Variants in ATRNL1 observed in about 807,000 individuals in gnomAD.
The protein encoded by ATRNL1 is attractin-like protein 1.
ATRNL1 carries 95 observed loss-of-function variants against 182.7 expected under a neutral mutation model. That is an observed-to-expected ratio of 0.52 (90% confidence interval 0.44 to 0.62). ATRNL1 has a LOEUF of 0.62. Among genes scored for constraint, ATRNL1 ranks in the 20% least tolerant of loss-of-function variants. ATRNL1 has a pLI of 0.00. For missense variants in ATRNL1, 1,471 were observed against 1,679.5 expected (o/e 0.88, Z 2.17); for synonymous variants, 576 against 568.3 (o/e 1.01, Z -0.19).
intron 21 of ATRNL1, 34 bp downstream of exon 21, chr10:115,426,336 TGG>T (rs782225873): frequency 1.4e-6 from 2 of 1,455,284 alleles, no homozygotes; most frequent in Non-Finnish European, 9.6e-7. Flanking sequence ...TTTAAATAAT[TGG>T]TGCATACTAT....
intron 26 of ATRNL1, among the ~76,000 whole-genome samples, chr10:115,587,466 C>T (rs2133905791): frequency 6.6e-6 from 1 of 151,962 alleles, no homozygotes; most frequent in African/African-American, 2.4e-5. Flanking sequence ...TCGTGGTGTG[C>T]CGTTGTTTTA....
chr10:115,928,035 G>T (rs1953286679), intron 28 of ATRNL1, among the ~76,000 whole-genome samples: 1 of 151,954 alleles, frequency 6.6e-6, no homozygotes, highest in Non-Finnish European at 1.5e-5. Context: ...AGACTGAATT[G>T]CTCTTTTCCC....
At chr10:115,630,576 T>C (rs1195605766) in intron 26 of ATRNL1, among the ~76,000 whole-genome samples, 1 of 151,428 alleles carries the variant, frequency 6.6e-6, no homozygotes, top group Non-Finnish European at 1.5e-5. Context: ...ACAGCATTAT[T>C]CATAATAGTC....
rs368246699 is a variant in ATRNL1, at chr10:115,096,901, A to T, written c.293+2858A>T. On this transcript the variant is annotated intron_variant, in intron 1 of 28. Transcript: ENST00000355044. ...TAGACTAAAGGACTTGGGATTGAGA[A>T]TAGGAAAATATATTTGAAATATAAT... 5.3e-5 allele frequency: 38 copies of T among 720,944 alleles called. No homozygotes were observed. In the South Asian group the frequency reaches 1.2e-3, roughly 22 times the overall value. The allele number at this position is 720,944 out of a possible 1,614,324, so 44.7% of individuals were successfully genotyped here.
At chr10:115,449,914 C>A (rs1409858437) in intron 21 of ATRNL1, among the ~76,000 whole-genome samples, 2 of 152,030 alleles carry the variant, frequency 1.3e-5, no homozygotes, top group Admixed American at 1.3e-4. Context: ...ACTTGCAGAC[C>A]AAATCCAGCA....
intron 19 of ATRNL1, among the ~76,000 whole-genome samples, chr10:115,364,457 G>A (rs1242987365): frequency 6.1e-5 from 9 of 147,516 alleles, no homozygotes; most frequent in Admixed American, 3.4e-4. Context: ...CAATCATATC[G>A]TCTGCAAACA....
intron 26 of ATRNL1, among the ~76,000 whole-genome samples, chr10:115,695,527 C>A (rs894369268): frequency 6.6e-6 from 1 of 152,058 alleles, no homozygotes; most frequent in East Asian, 1.9e-4. Context: ...CTAAAACCCA[C>A]GAGGAGTAAA....
intron 27 of ATRNL1, among the ~76,000 whole-genome samples, chr10:115,809,071 C>T (rs1214906105): frequency 2.0e-5 from 3 of 151,840 alleles, no homozygotes; most frequent in African/African-American, 7.3e-5. Context: ...CATAAGAATA[C>T]CGAATTGTTC....
At chr10:115,135,222 A>G (rs562957772) in intron 5 of ATRNL1, among the ~76,000 whole-genome samples, 15 of 152,294 alleles carry the variant, frequency 9.8e-5, no homozygotes, top group Non-Finnish European at 1.9e-4. Context: ...AAGGTATTCA[A>G]TTAGGAAAAG....
At chr10:115,621,758 C>T (rs1359128763) in intron 26 of ATRNL1, among the ~76,000 whole-genome samples, 5 of 152,134 alleles carry the variant, frequency 3.3e-5, no homozygotes, top group Admixed American at 3.3e-4. Context: ...TCTTTCAGAG[C>T]AAAGAAAATC....
intron 1 of ATRNL1, among the ~76,000 whole-genome samples, chr10:115,106,645 T>C (rs1844025151): frequency 6.6e-6 from 1 of 152,218 alleles, no homozygotes; most frequent in African/African-American, 2.4e-5. Context: ...AGTGAGTAAG[T>C]CTCAACAATA....
intron 4 of ATRNL1, among the ~76,000 whole-genome samples, chr10:115,128,243 A>G (rs975295744): frequency 1.3e-5 from 2 of 152,334 alleles, no homozygotes; most frequent in East Asian, 1.9e-4. Context: ...CTATACCACT[A>G]TCTCCTCTAA....
intron 19 of ATRNL1, among the ~76,000 whole-genome samples, chr10:115,346,352 A>G (rs1203361019): frequency 6.6e-6 from 1 of 152,196 alleles, no homozygotes; most frequent in African/African-American, 2.4e-5. Context: ...GTTAAGTGGA[A>G]TCATGCAGTT....
intron 18 of ATRNL1, among the ~76,000 whole-genome samples, chr10:115,318,885 ATCTCTT>A (rs1854441489): frequency 1.3e-5 from 2 of 151,848 alleles, no homozygotes; most frequent in African/African-American, 4.8e-5. Context: ...TCATGTCTCT[ATCTCTT>A]TTAGTTCTGC....
At chr10:115,223,232 G>A (rs1264309041) in intron 9 of ATRNL1, among the ~76,000 whole-genome samples, 1 of 152,190 alleles carries the variant, frequency 6.6e-6, no homozygotes, top group Non-Finnish European at 1.5e-5. Flanking sequence ...AATGAGCTGA[G>A]ATCGCATCGC....
At position 115,807,782 on chromosome 10, in the gene ATRNL1, G is replaced by A. The variant is rs1413325957; in HGVS notation, c.3904-40095G>A. Among the ~76,000 whole-genome samples, 5 of 152,268 alleles carry A rather than the reference G, an allele frequency of 3.3e-5. No individual in the cohort carries two copies. In the East Asian group the frequency reaches 5.8e-4, roughly 18 times the overall value. Reference sequence around the variant, plus strand: ...TAGTTAATAGCGTTAACAAATTTTAGTTCTAGCTTCCTTTGAACTGCATGT... The same window carrying A: ...TAGTTAATAGCGTTAACAAATTTTAATTCTAGCTTCCTTTGAACTGCATGT... On this transcript the variant is annotated intron_variant, in intron 27 of 28. Transcript: ENST00000355044.
At chr10:115,362,684 C>T (rs1808547072) in intron 19 of ATRNL1, among the ~76,000 whole-genome samples, 1 of 152,006 alleles carries the variant, frequency 6.6e-6, no homozygotes, top group Non-Finnish European at 1.5e-5. Context: ...TCCCACCCCA[C>T]CACAGTCCCC....
At chr10:115,280,750 C>T (rs771558468) in intron 13 of ATRNL1, among the ~76,000 whole-genome samples, 8 of 152,170 alleles carry the variant, frequency 5.3e-5, no homozygotes, top group Admixed American at 2.0e-4. Context: ...GTCATCAGTT[C>T]GTGGGGGCTT....
chr10:115,233,865 G>GT (rs1389078921), intron 9 of ATRNL1, among the ~76,000 whole-genome samples: 4 of 151,400 alleles, frequency 2.6e-5, no homozygotes, highest in East Asian at 1.9e-4. Flanking sequence ...TGTATTATGT[G>GT]TTTTTTTTAG....
Sources: gnomAD v4.1 joint callset for allele counts (sites outside exome capture counted in the v4.1 genomes callset) on GRCh38, gnomAD v4.1.1 for gene constraint, MANE v1.5 for transcripts, NCBI Gene and HGNC (gene_info 2026-07-23, HGNC 2026-07-21) for gene names.